Variants in RBFOX1 observed in about 807,000 individuals in gnomAD.
RBFOX1 encodes RNA binding protein fox-1 homolog 1.
RBFOX1 carries 8 observed loss-of-function variants against 57.7 expected under a neutral mutation model. That is an observed-to-expected ratio of 0.14 (90% CI 0.08 to 0.25). The LOEUF (loss-of-function observed/expected upper bound fraction) is 0.25. Ranked by LOEUF, RBFOX1 falls within the 10% of genes least tolerant of loss-of-function variation. The pLI is 1.00. For synonymous variants in RBFOX1, 326 were observed against 222.4 expected, an observed-to-expected ratio of 1.47 and a Z score of -4.15; for missense variants, 611 against 548.5, an observed-to-expected ratio of 1.11 and a Z score of -1.14.
At chr16:5,568,182 C>G (rs1205202755) in intron 2 of RBFOX1, among the ~76,000 whole-genome samples, 1 of 152,196 alleles carries the variant, frequency 6.6e-6, no homozygotes, top group African/African-American at 2.4e-5. Flanking sequence ...TGTGCCCTCT[C>G]CTTCCTCGAA....
At chr16:6,655,392 AAAAAAAAAAAAG>A (rs1393481959) in intron 3 of RBFOX1, among the ~76,000 whole-genome samples, 1 of 137,452 alleles carries the variant, frequency 7.3e-6, no homozygotes, top group African/African-American at 2.6e-5. Flanking sequence ...AAAAAAAAAA[AAAAAAAAAAAAG>A]AGCTCGCGCT....
intron 2 of RBFOX1, among the ~76,000 whole-genome samples, chr16:6,418,996 A>G (rs981741126): frequency 1.3e-5 from 2 of 152,216 alleles, no homozygotes; most frequent in East Asian, 1.9e-4. Context: ...ACTTTTCCCC[A>G]GAACAGAGAC....
At chr16:7,558,464 G>C (rs1394105762) in intron 5 of RBFOX1, among the ~76,000 whole-genome samples, 2 of 151,678 alleles carry the variant, frequency 1.3e-5, no homozygotes, top group African/African-American at 4.9e-5. Flanking sequence ...ATATATACAT[G>C]TATAGTACAT....
intron 4 of RBFOX1, among the ~76,000 whole-genome samples, chr16:7,407,934 G>C (rs770777426): frequency 3.3e-5 from 5 of 152,198 alleles, no homozygotes; most frequent in Non-Finnish European, 7.3e-5. Context: ...GTGGGTGGCT[G>C]CTTTTGGGCC....
intron 4 of RBFOX1, among the ~76,000 whole-genome samples, chr16:7,407,812 A>G (rs2098372204): frequency 6.6e-6 from 1 of 152,094 alleles, no homozygotes; most frequent in South Asian, 2.1e-4. Context: ...ACAGGTTTTC[A>G]TATTTCACTG....
intron 4 of RBFOX1, among the ~76,000 whole-genome samples, chr16:7,418,751 C>A (rs553363423): frequency 1.1e-4 from 16 of 149,704 alleles, no homozygotes; most frequent in Non-Finnish European, 1.5e-5. Context: ...ATCCTCTTTT[C>A]TCCTCTCTCT....
chr16:6,384,364 C>T (rs1213162829), intron 2 of RBFOX1, among the ~76,000 whole-genome samples: 1 of 151,986 alleles, frequency 6.6e-6, no homozygotes, highest in Non-Finnish European at 1.5e-5. Context: ...TGCATTTTTC[C>T]CTGCCCCCTG....
At chr16:7,477,805 T>C (rs1022484489) in intron 4 of RBFOX1, among the ~76,000 whole-genome samples, 4 of 152,068 alleles carry the variant, frequency 2.6e-5, no homozygotes, top group African/African-American at 9.6e-5. Flanking sequence ...GGAAGGTAGG[T>C]GGAAAATAGA....
intron 4 of RBFOX1, among the ~76,000 whole-genome samples, chr16:7,064,859 T>C (rs1334340099): frequency 6.6e-6 from 1 of 152,238 alleles, no homozygotes. Context: ...TATTGCCCTT[T>C]TGAAATGCAA....
In RBFOX1 at chr16:6,652,995, C is replaced by G. The variant is rs1379178524; in HGVS notation, c.-63-1608C>G. Among the ~76,000 whole-genome samples, 4 of 152,176 alleles carry G rather than the reference C, an allele frequency of 2.6e-5. No individual in the cohort carries two copies. In the East Asian group the frequency reaches 7.7e-4, roughly 29 times the overall value. ...TAAACATCTCCCTGTGATCTCATTC[C>G]CCTTTATTTTCCTCTCTTACTTCCC... On this transcript the variant is annotated intron_variant, in intron 2 of 15. Coordinates refer to ENST00000550418, the MANE Select transcript of RBFOX1 (RefSeq NM_018723.4).
intron 2 of RBFOX1, among the ~76,000 whole-genome samples, chr16:6,551,347 T>C (rs2096985996): frequency 6.6e-6 from 1 of 152,198 alleles, no homozygotes; most frequent in Non-Finnish European, 1.5e-5. Context: ...CAGCGGCATC[T>C]CAGACTAGTT....
chr16:7,390,205 C>T (rs180697090), intron 4 of RBFOX1, among the ~76,000 whole-genome samples: 17 of 152,232 alleles, frequency 1.1e-4, no homozygotes, highest in Admixed American at 7.2e-4. Context: ...TCTGTCATCT[C>T]GCACCAGACC....
At chr16:7,185,929 C>A (rs935529235) in intron 4 of RBFOX1, among the ~76,000 whole-genome samples, 1 of 152,168 alleles carries the variant, frequency 6.6e-6, no homozygotes. Context: ...TGACTCACTT[C>A]CTGACCCTTT....
intron 1 of RBFOX1, among the ~76,000 whole-genome samples, chr16:6,056,204 T>C (rs962036151): frequency 6.6e-6 from 1 of 152,172 alleles, no homozygotes; most frequent in Non-Finnish European, 1.5e-5. Context: ...TACACTGTGG[T>C]CTCGCCTGAG....
chr16:6,475,834 G>A (rs536726311), intron 2 of RBFOX1, among the ~76,000 whole-genome samples: 3 of 152,094 alleles, frequency 2.0e-5, no homozygotes, highest in Non-Finnish European at 4.4e-5. Flanking sequence ...TATTTCAATA[G>A]GTCATTACCA....
intron 3 of RBFOX1, among the ~76,000 whole-genome samples, chr16:6,824,360 C>T (rs942170356): frequency 1.3e-5 from 2 of 152,180 alleles, no homozygotes; most frequent in South Asian, 4.1e-4. Context: ...GAGCTGAGAT[C>T]ATGCTACAGC....
At chr16:5,301,622 A>AAAAG (rs948215914) in intron 1 of RBFOX1, among the ~76,000 whole-genome samples, 4 of 149,170 alleles carry the variant, frequency 2.7e-5, no homozygotes, top group African/African-American at 1.0e-4. Context: ...CCATCTCAAA[A>AAAAG]AAAAAAAAAA....
chr16:5,451,735 C>T (rs1458514236), intron 1 of RBFOX1, among the ~76,000 whole-genome samples: 2 of 152,212 alleles, frequency 1.3e-5, no homozygotes, highest in African/African-American at 4.8e-5. Context: ...GTCCGGGTTC[C>T]ACATACGGAT....
At chr16:5,720,805 C>T (rs1369058320) in intron 3 of RBFOX1, among the ~76,000 whole-genome samples, 2 of 152,184 alleles carry the variant, frequency 1.3e-5, no homozygotes, top group East Asian at 3.8e-4. Context: ...AGTTCTTAGG[C>T]TAGTACCATA....
Sources: gnomAD v4.1 joint callset for allele counts (sites outside exome capture counted in the v4.1 genomes callset) on GRCh38, gnomAD v4.1.1 for gene constraint, MANE v1.5 for transcripts, NCBI Gene and HGNC (gene_info 2026-07-23, HGNC 2026-07-21) for gene names.